The following SEZ6L variants were observed in gnomAD, a reference collection of about 807,000 sequenced individuals.
SEZ6L encodes seizure 6-like protein.
SEZ6L carries 37 observed loss-of-function variants against 106.2 expected under a neutral mutation model. That is an observed-to-expected ratio of 0.35 (90% CI 0.27 to 0.46). SEZ6L has a LOEUF of 0.46. Among genes scored for constraint, SEZ6L ranks in the 20% least tolerant of loss-of-function variants. The probability of loss-of-function intolerance (pLI) is 1.00; values close to 1 mark genes in which losing one functional copy is unlikely to be tolerated. For missense variants in SEZ6L, 1,172 were observed against 1,332.8 expected, an observed-to-expected ratio of 0.88 and a Z score of 1.88; for synonymous variants, 541 against 570.4, an observed-to-expected ratio of 0.95 and a Z score of 0.73.
At position 26,382,076 on chromosome 22, in the gene SEZ6L, T is replaced by C. The variant is rs1316861984; in HGVS notation, c.*1781T>C. 1.9e-6 allele frequency: 1 copy of C among 518,510 alleles called. No homozygotes were observed. Among genetic ancestry groups the C allele is most frequent in the South Asian group, 1.4e-5 (1 of 71,502 alleles). 32.1% of individuals were successfully genotyped at this position (518,510 alleles called of 1,614,324 possible). On this transcript the variant is annotated 3_prime_UTR_variant, in exon 17 of 17. Transcript: ENST00000248933. Reference sequence around the variant, plus strand: ...GGGGTCTAAGACCAGAATATTTTCCTTCTGCCAGAAAAGAATCTTGCACAT... The same window carrying C: ...GGGGTCTAAGACCAGAATATTTTCCCTCTGCCAGAAAAGAATCTTGCACAT...
intron 9 of SEZ6L, among the ~76,000 whole-genome samples, chr22:26,339,585 G>A (rs1311006087): frequency 2.0e-5 from 3 of 152,150 alleles, no homozygotes; most frequent in African/African-American, 7.2e-5. Context: ...ATGGTGACAG[G>A]TTTGAGCATA....
chr22:26,208,891 TG>T (rs1602037570), intron 1 of SEZ6L, among the ~76,000 whole-genome samples: 1 of 148,082 alleles, frequency 6.8e-6, no homozygotes, highest in Non-Finnish European at 1.5e-5. Flanking sequence ...TGTGTGTGTG[TG>T]TGTGTGTGTG....
intron 1 of SEZ6L, among the ~76,000 whole-genome samples, chr22:26,246,955 T>C (rs748711578): frequency 6.6e-6 from 1 of 152,160 alleles, no homozygotes; most frequent in Non-Finnish European, 1.5e-5. Context: ...TCTTGAGAGG[T>C]CATTCTCACA....
intron 13 of SEZ6L, among the ~76,000 whole-genome samples, chr22:26,367,052 T>A (rs1005689534): frequency 3.9e-5 from 6 of 152,176 alleles, no homozygotes; most frequent in Admixed American, 1.3e-4. Context: ...TTTACATACA[T>A]ACATAGCTCC....
At chr22:26,196,371 T>A (rs1258170358) in intron 1 of SEZ6L, among the ~76,000 whole-genome samples, 1 of 152,102 alleles carries the variant, frequency 6.6e-6, no homozygotes, top group Non-Finnish European at 1.5e-5. Context: ...AATTACCCAG[T>A]CTCAGGTATT....
intron 1 of SEZ6L, among the ~76,000 whole-genome samples, chr22:26,270,158 C>A (rs1475816341): frequency 6.6e-6 from 1 of 152,088 alleles, no homozygotes; most frequent in Non-Finnish European, 1.5e-5. Flanking sequence ...AAAAATAGAA[C>A]CTGGCACAGA....
At chr22:26,196,467 A>C (rs1940587259) in intron 1 of SEZ6L, among the ~76,000 whole-genome samples, 1 of 152,230 alleles carries the variant, frequency 6.6e-6, no homozygotes, top group African/African-American at 2.4e-5. Context: ...GGAGCATGGC[A>C]AATGAGGGCA....
intron 1 of SEZ6L, among the ~76,000 whole-genome samples, chr22:26,262,269 T>TATCTATCTATC (rs1458678740): frequency 6.6e-6 from 1 of 151,500 alleles, no homozygotes; most frequent in Non-Finnish European, 1.5e-5. Flanking sequence ...TCTATCTATC[T>TATCTATCTATC]ATCTATCTAT....
chr22:26,374,774 C>T (rs731277), intron 14 of SEZ6L, among the ~76,000 whole-genome samples: 74,585 of 152,008 alleles, frequency 0.49, 19,469 homozygotes, highest in East Asian at 0.94. Context: ...ATGTAGGATC[C>T]CCCTTTAAGC....
At chr22:26,257,243 C>A (rs1254841945) in intron 1 of SEZ6L, among the ~76,000 whole-genome samples, 1 of 152,136 alleles carries the variant, frequency 6.6e-6, no homozygotes, top group Non-Finnish European at 1.5e-5. Flanking sequence ...GTAAATGCAC[C>A]TAAGCAAGCT....
At chr22:26,267,355 A>G (rs1035322327) in intron 1 of SEZ6L, among the ~76,000 whole-genome samples, 4 of 152,200 alleles carry the variant, frequency 2.6e-5, no homozygotes, top group African/African-American at 9.7e-5. Context: ...GAAAGTATCC[A>G]GGGGTTTGAT....
intron 1 of SEZ6L, among the ~76,000 whole-genome samples, chr22:26,185,943 C>G (rs1430241261): frequency 6.6e-6 from 1 of 152,010 alleles, no homozygotes; most frequent in Non-Finnish European, 1.5e-5. Flanking sequence ...TATTCCCTCC[C>G]CAGAGGTAGC....
chr22:26,346,069 C>T (rs908315524), intron 10 of SEZ6L, among the ~76,000 whole-genome samples: 2 of 151,844 alleles, frequency 1.3e-5, no homozygotes, highest in African/African-American at 4.8e-5. Flanking sequence ...TCTCTGTCAC[C>T]GAGCCTGGAG....
At chr22:26,289,236 G>A (rs979615052) in intron 1 of SEZ6L, among the ~76,000 whole-genome samples, 1 of 152,086 alleles carries the variant, frequency 6.6e-6, no homozygotes, top group Non-Finnish European at 1.5e-5. Flanking sequence ...TGGAAGCTGG[G>A]TGTCCTGACC....
chr22:26,367,748 G>A (rs1294338808), intron 13 of SEZ6L, among the ~76,000 whole-genome samples: 1 of 152,146 alleles, frequency 6.6e-6, no homozygotes, highest in Admixed American at 6.5e-5. Flanking sequence ...ACTGCCTACA[G>A]GGTGATCTCC....
At chr22:26,277,364 A>G (rs2080583252) in intron 1 of SEZ6L, among the ~76,000 whole-genome samples, 1 of 152,194 alleles carries the variant, frequency 6.6e-6, no homozygotes, top group Non-Finnish European at 1.5e-5. Flanking sequence ...GGAGGTATCC[A>G]GGGTGTGAGT....
chr22:26,371,415 G>A (rs538539029), intron 13 of SEZ6L, among the ~76,000 whole-genome samples: 1 of 152,194 alleles, frequency 6.6e-6, no homozygotes, highest in South Asian at 2.1e-4. Context: ...AGCACTGTAT[G>A]TTTTCAATTT....
intron 5 of SEZ6L, among the ~76,000 whole-genome samples, chr22:26,304,942 G>A (rs2081587519): frequency 6.6e-6 from 1 of 152,148 alleles, no homozygotes; most frequent in South Asian, 2.1e-4. Flanking sequence ...ATCATAGAGT[G>A]TATGTACACG....
Position 26,311,944 on chromosome 22 carries a change from A to T in SEZ6L, c.1858A>T (p.Thr620Ser). Residue 620 changes from threonine (T) to serine (S), a missense_variant, in exon 8 of 17, where the codon ACA (threonine) becomes TCA (serine). This residue lies in a region of SEZ6L where 534 missense variants were observed against 691.0 expected (regional missense o/e 0.77). Coordinates refer to ENST00000248933, the MANE Select transcript of SEZ6L (RefSeq NM_021115.5). ...TGTGCGGGACCCATACTGGAATGACACAGAGCCCCTGTGCAGAGGTGAGCG... is the reference window on the plus strand; with the variant it reads ...TGTGCGGGACCCATACTGGAATGACTCAGAGCCCCTGTGCAGAGGTGAGCG... ...INVRDPYWND[T>S]EPLCRAMCGG... The T allele has an allele frequency of 6.2e-7, 1 of 1,614,148 alleles. No individual in the cohort carries two copies. The highest frequency in any genetic ancestry group is 8.5e-7 in the Non-Finnish European group (1 of 1,180,032).
Sources: gnomAD v4.1 joint callset for allele counts (sites outside exome capture counted in the v4.1 genomes callset) on GRCh38, gnomAD v4.1.1 for gene constraint, gnomAD v4.1.1 regional missense constraint, MANE v1.5 for transcripts, NCBI Gene and HGNC (gene_info 2026-07-23, HGNC 2026-07-21) for gene names.